CSMD2: variants seen among roughly 807,000 people sequenced by gnomAD.
CSMD2 encodes CUB and sushi domain-containing protein 2.
In CSMD2, 130 loss-of-function variants were observed where a neutral mutation model predicts 398.5. That is an observed-to-expected ratio of 0.33 (90% CI 0.28 to 0.38). The LOEUF is 0.38. Ranked by LOEUF, CSMD2 falls within the 10% of genes least tolerant of loss-of-function variation. The pLI, the probability that CSMD2 is intolerant of heterozygous loss-of-function variation, is 1.00. For missense variants in CSMD2, 3,829 were observed against 4,764.9 expected, an observed-to-expected ratio of 0.80 and a Z score of 5.78; for synonymous variants, 1,828 against 1,908.5, an observed-to-expected ratio of 0.96 and a Z score of 1.10.
intron 10 of CSMD2, among the ~76,000 whole-genome samples, chr1:33,801,684 G>A (rs1183100546): frequency 6.6e-6 from 1 of 152,214 alleles, no homozygotes; most frequent in East Asian, 1.9e-4. Context: ...GAACAGGAAG[G>A]AGCAACACAT....
intron 1 of CSMD2, among the ~76,000 whole-genome samples, chr1:34,123,265 A>G (rs1662381354): frequency 6.6e-6 from 1 of 152,178 alleles, no homozygotes; most frequent in Non-Finnish European, 1.5e-5. Context: ...AATCATGCCT[A>G]CGTAATGAAG....
chr1:34,124,524 T>G (rs1019425159), intron 1 of CSMD2, among the ~76,000 whole-genome samples: 9 of 152,158 alleles, frequency 5.9e-5, no homozygotes, highest in Non-Finnish European at 1.0e-4. Context: ...TGCCTCCTGG[T>G]GCACACTTGC....
chr1:33,746,294 G>T (rs1266447376), intron 13 of CSMD2, among the ~76,000 whole-genome samples: 1 of 152,168 alleles, frequency 6.6e-6, no homozygotes, highest in Admixed American at 6.5e-5. Context: ...CAAAGGCAAA[G>T]ACCTTGAAGG....
chr1:33,590,170 G>A (rs1639334766), intron 44 of CSMD2, among the ~76,000 whole-genome samples: 1 of 151,458 alleles, frequency 6.6e-6, no homozygotes, highest in Admixed American at 6.6e-5. Context: ...CACCCAGACT[G>A]GAGTACAGTG....
chr1:34,023,032 T>C (rs1324856354), intron 3 of CSMD2, among the ~76,000 whole-genome samples: 1 of 152,102 alleles, frequency 6.6e-6, no homozygotes, highest in Non-Finnish European at 1.5e-5. Flanking sequence ...GATGGAGTTT[T>C]GCTATGTTAC....
intron 32 of CSMD2, among the ~76,000 whole-genome samples, chr1:33,630,932 G>A (rs895189269): frequency 4.6e-5 from 7 of 151,958 alleles, no homozygotes; most frequent in African/African-American, 1.7e-4. Flanking sequence ...TGAATACATC[G>A]CTGTAAACAT....
chr1:33,739,762 T>C (rs1194735810), intron 14 of CSMD2, among the ~76,000 whole-genome samples: 1 of 152,112 alleles, frequency 6.6e-6, no homozygotes, highest in Non-Finnish European at 1.5e-5. Flanking sequence ...TGGGATCATT[T>C]CTGCTTGAGG....
At chr1:33,600,127 A>C in intron 44 of CSMD2, 1 of 712,462 alleles carries the variant, frequency 1.4e-6, no homozygotes, top group Non-Finnish European at 2.6e-6. Context: ...CAGGTGAAGA[A>C]ACTGAAGTCT....
chr1:34,060,476 C>T (rs963168745), intron 2 of CSMD2, among the ~76,000 whole-genome samples: 9 of 149,176 alleles, frequency 6.0e-5, no homozygotes, highest in Non-Finnish European at 1.3e-4. Flanking sequence ...GATGCAGGGC[C>T]CCTGGGGGAG....
intron 25 of CSMD2, among the ~76,000 whole-genome samples, chr1:33,663,725 C>T (rs1447812781): frequency 2.6e-5 from 4 of 152,188 alleles, no homozygotes; most frequent in Non-Finnish European, 1.5e-5. Flanking sequence ...GCTCTCAGAG[C>T]AAGGGAGCTC....
At chr1:33,781,441 C>G (rs1211660223) in intron 12 of CSMD2, among the ~76,000 whole-genome samples, 1 of 152,220 alleles carries the variant, frequency 6.6e-6, no homozygotes, top group Non-Finnish European at 1.5e-5. Flanking sequence ...GTCCTTGTAG[C>G]CTCAGTGTCC....
In CSMD2 at chr1:34,134,211, C is replaced by A. The variant is rs569722598; in HGVS notation, c.187+30700G>T. On this transcript the variant is annotated intron_variant, in intron 1 of 70. Coordinates refer to ENST00000373381, the MANE Select transcript of CSMD2 (RefSeq NM_001281956.2). The stretch of plus-strand genomic sequence containing the variant: ...TTAGAAACATCTGTTTGCCTGACAA[C>A]AGCCAACACTCTTTGCCCTAGATCT... 2.6e-5 allele frequency among the ~76,000 whole-genome samples: 4 copies of A among 152,202 alleles called. No homozygotes were observed. In the South Asian group the frequency reaches 8.3e-4, roughly 32 times the overall value.
At chr1:34,101,562 C>G (rs1558388636) in intron 1 of CSMD2, among the ~76,000 whole-genome samples, 1 of 152,148 alleles carries the variant, frequency 6.6e-6, no homozygotes, top group Non-Finnish European at 1.5e-5. Flanking sequence ...TATTTGGAAA[C>G]TTTTTGCCTG....
At chr1:34,013,387 CCTT>C (rs750869767) in intron 3 of CSMD2, among the ~76,000 whole-genome samples, 1 of 152,168 alleles carries the variant, frequency 6.6e-6, no homozygotes. Context: ...ACAACACAGT[CCTT>C]CTTGCTTCTC....
chr1:33,545,522 T>C (rs1656794557), intron 57 of CSMD2, among the ~76,000 whole-genome samples: 1 of 152,224 alleles, frequency 6.6e-6, no homozygotes, highest in Non-Finnish European at 1.5e-5. Context: ...CTTCTTGCTG[T>C]GTCTTCACAT....
At chr1:34,135,549 C>T (rs917742769) in intron 1 of CSMD2, among the ~76,000 whole-genome samples, 9 of 130,036 alleles carry the variant, frequency 6.9e-5, no homozygotes, top group Admixed American at 6.8e-4. Flanking sequence ...ACCCGGGAGG[C>T]GGAGGTTGCC....
At position 34,064,872 on chromosome 1, in the gene CSMD2, C is replaced by T. The variant is rs151222206; in HGVS notation, c.404+24105G>A. Among the ~76,000 whole-genome samples, 783 of 152,244 alleles carry T rather than the reference C, an allele frequency of 5.1e-3. 1 individual carries two copies. The highest frequency in any genetic ancestry group is 8.1e-3 in the Non-Finnish European group (552 of 68,016). On this transcript the variant is annotated intron_variant, in intron 2 of 70. Coordinates refer to ENST00000373381, the MANE Select transcript of CSMD2 (RefSeq NM_001281956.2). ...CAGAGTCATGGCAGGAGGCGAAAGG[C>T]ACTTCTTACATGGTGGCAACAAGAG...
intron 5 of CSMD2, among the ~76,000 whole-genome samples, chr1:33,882,525 C>T (rs760432922): frequency 3.9e-5 from 6 of 152,198 alleles, no homozygotes; most frequent in Non-Finnish European, 8.8e-5. Flanking sequence ...GGGCATTAGG[C>T]TGGCATTAGT....
At chr1:33,543,944 ATGTTCCCATCCAT>A (rs1269133051) in intron 57 of CSMD2, among the ~76,000 whole-genome samples, 1 of 152,080 alleles carries the variant, frequency 6.6e-6, no homozygotes, top group Non-Finnish European at 1.5e-5. Flanking sequence ...GATATTTTTT[ATGTTCCCATCCAT>A]TGCCATTATT....
Sources: allele counts gnomAD v4.1 joint callset (sites outside exome capture counted in the v4.1 genomes callset), GRCh38; gene constraint gnomAD v4.1.1; transcripts MANE v1.5; gene names NCBI Gene and HGNC (gene_info 2026-07-23, HGNC 2026-07-21).